BRWD1: variants seen among roughly 807,000 people sequenced by gnomAD.
BRWD1 encodes the protein bromodomain and WD repeat domain containing 1.
In BRWD1, 82 loss-of-function variants were observed where a neutral mutation model predicts 251.2. That is an observed-to-expected ratio of 0.33 (90% confidence interval 0.27 to 0.39). The LOEUF (loss-of-function observed/expected upper bound fraction) is 0.39. Ranked by LOEUF, BRWD1 falls within the 10% of genes least tolerant of loss-of-function variation. BRWD1 has a pLI of 1.00. For synonymous variants in BRWD1, 918 were observed against 902.8 expected, an observed-to-expected ratio of 1.02 and a Z score of -0.30; for missense variants, 2,233 against 2,711.6, an observed-to-expected ratio of 0.82 and a Z score of 3.92.
chr21:39,255,876 T>C (rs1487543968), intron 18 of BRWD1, 48 bp from the exon 19 acceptor site: 15 of 1,538,060 alleles, frequency 9.8e-6, no homozygotes, highest in African/African-American at 1.4e-5. Context: ...TTTAAACTAA[T>C]ATACATTTAG....
chr21:39,194,341 A>C lies in BRWD1; in HGVS notation c.*1918T>G. On this transcript the variant is annotated 3_prime_UTR_variant, in exon 41 of 41. Coordinates refer to ENST00000342449, the MANE Select transcript of BRWD1 (RefSeq NM_033656.4). ...GAACAGATTATAAAAGAGAAGGTTA[A>C]GAAGAGTTTAAATAAATTAATGGAT... The C allele has an allele frequency of 9.6e-7, 1 of 1,041,482 alleles. No individual in the cohort carries two copies. Among genetic ancestry groups the C allele is most frequent in the Admixed American group, 5.2e-5 (1 of 19,306 alleles). 64.5% of individuals were successfully genotyped at this position (1,041,482 alleles called of 1,614,324 possible).
intron 8 of BRWD1, among the ~76,000 whole-genome samples, chr21:39,291,646 A>C (rs892916470): frequency 1.3e-5 from 2 of 152,166 alleles, no homozygotes; most frequent in African/African-American, 4.8e-5. Context: ...CTATCCGCCC[A>C]TATGTGCACA....
rs778784400 is a variant in BRWD1 at position 39,187,095 on chromosome 21, C to G, written c.*9164G>C. ...GCATTTTTCTATTAATATCTTCTAG[C>G]TCTTTTTCACTTTCAGAATTTATGG... On this transcript the variant is annotated 3_prime_UTR_variant, in exon 41 of 41. Transcript: ENST00000342449. 6.2e-7 allele frequency: 1 copy of G among 1,603,234 alleles called. No homozygotes were observed. Among genetic ancestry groups the G allele is most frequent in the Non-Finnish European group, 8.5e-7 (1 of 1,177,406 alleles).
chr21:39,195,810 G>C lies in BRWD1; in HGVS notation c.*449C>G. 1 of 987,016 alleles carries C rather than the reference G, an allele frequency of 1.0e-6. No homozygotes were observed. The highest frequency in any genetic ancestry group is 1.2e-6 in the Non-Finnish European group (1 of 831,020). The allele number at this position is 987,016 out of a possible 1,614,324, so 61.1% of individuals were successfully genotyped here. A position where few individuals can be genotyped will look rare whatever the true frequency, so the allele number is the denominator to read the frequency against. On this transcript the variant is annotated 3_prime_UTR_variant, in exon 41 of 41. Transcript: ENST00000342449. Reference sequence around the variant, plus strand: ...TACACCTCCCATGATTATAGTGTCAGTATGCATGTATTTATGAAGAATCTG... The same window carrying C: ...TACACCTCCCATGATTATAGTGTCACTATGCATGTATTTATGAAGAATCTG...
intron 18 of BRWD1, among the ~76,000 whole-genome samples, chr21:39,258,102 T>G (rs2146633739): frequency 6.6e-6 from 1 of 152,324 alleles, no homozygotes; most frequent in Middle Eastern, 3.4e-3. Context: ...GAAAACTCAC[T>G]AAGTTTTCAA....
intron 27 of BRWD1, among the ~76,000 whole-genome samples, chr21:39,228,176 T>A (rs2033458868): frequency 6.6e-6 from 1 of 152,082 alleles, no homozygotes; most frequent in African/African-American, 2.4e-5. Flanking sequence ...TAATCCTAGC[T>A]ACTCAGGAGG....
At chr21:39,268,838 A>T (rs962461181) in intron 15 of BRWD1, among the ~76,000 whole-genome samples, 1 of 152,024 alleles carries the variant, frequency 6.6e-6, no homozygotes, top group Admixed American at 6.6e-5. Context: ...ATACAAAAAA[A>T]TTAGCCAGGT....
At chr21:39,241,345 G>C (rs896709742) in intron 21 of BRWD1, among the ~76,000 whole-genome samples, 4 of 150,896 alleles carry the variant, frequency 2.7e-5, no homozygotes, top group African/African-American at 7.3e-5. Context: ...ATGCATGCCT[G>C]TAATCCCTGC....
intron 25 of BRWD1, 78 bp downstream of exon 25, chr21:39,232,099 G>A: frequency 8.7e-7 from 1 of 1,144,538 alleles, no homozygotes. Context: ...TTTCCAACAG[G>A]TTTTTAAATA....
chr21:39,205,719 C>G (rs746704857), intron 37 of BRWD1, among the ~76,000 whole-genome samples: 6 of 152,016 alleles, frequency 3.9e-5, no homozygotes, highest in Non-Finnish European at 5.9e-5. Context: ...TGCAGTCAGC[C>G]AAGATCATGC....
At chr21:39,275,349 A>G (rs2035247401) in intron 12 of BRWD1, among the ~76,000 whole-genome samples, 1 of 152,208 alleles carries the variant, frequency 6.6e-6, no homozygotes, top group South Asian at 2.1e-4. Flanking sequence ...TACCCAAACA[A>G]GAAATTTAAT....
At chr21:39,306,003 A>C (rs2036275058) in intron 4 of BRWD1, among the ~76,000 whole-genome samples, 1 of 151,972 alleles carries the variant, frequency 6.6e-6, no homozygotes, top group Non-Finnish European at 1.5e-5. Flanking sequence ...GGGTCACTGC[A>C]GTCCAGCCTG....
At chr21:39,214,850 T>TA (rs1329240969) in intron 32 of BRWD1, among the ~76,000 whole-genome samples, 1 of 149,592 alleles carries the variant, frequency 6.7e-6, no homozygotes, top group East Asian at 1.9e-4. Flanking sequence ...TAGTTCTGAG[T>TA]AAAAAACAAA....
chr21:39,242,590 A>T (rs2034041556), intron 21 of BRWD1, among the ~76,000 whole-genome samples: 1 of 152,204 alleles, frequency 6.6e-6, no homozygotes, highest in Non-Finnish European at 1.5e-5. Context: ...ATGCAGATGA[A>T]ATAAATAGCC....
chr21:39,249,389 ATG>A, intron 20 of BRWD1, among the ~76,000 whole-genome samples: 1 of 152,340 alleles, frequency 6.6e-6, no homozygotes, highest in Non-Finnish European at 1.5e-5. Flanking sequence ...AACTGTAAGT[ATG>A]TGTATTTTCA....
intron 4 of BRWD1, among the ~76,000 whole-genome samples, chr21:39,306,603 G>A (rs1186724476): frequency 2.0e-5 from 3 of 151,788 alleles, no homozygotes; most frequent in Non-Finnish European, 4.4e-5. Context: ...TTCTTTGACC[G>A]GAAAAAATAC....
At position 39,188,201 on chromosome 21, in the gene BRWD1, T is replaced by G; in HGVS notation, c.*8058A>C. 6 of 985,424 alleles carry G rather than the reference T, an allele frequency of 6.1e-6. No homozygotes were observed. Among genetic ancestry groups the G allele is most frequent in the Non-Finnish European group, 7.2e-6 (6 of 829,914 alleles). 61.0% of individuals were successfully genotyped at this position (985,424 alleles called of 1,614,324 possible). ...AGAAGTGATATTCCTTTTACGTATC[T>G]GAAGTTCACGGGCCCTTGAATTTTA... On this transcript the variant is annotated 3_prime_UTR_variant, in exon 41 of 41. Coordinates refer to ENST00000342449, the MANE Select transcript of BRWD1 (RefSeq NM_033656.4).
chr21:39,313,026 T>C (rs1232083049), intron 3 of BRWD1, 46 bp downstream of exon 3: 4 of 1,282,928 alleles, frequency 3.1e-6, no homozygotes, highest in Non-Finnish European at 3.0e-6. Context: ...CAGGGCAAGG[T>C]CGGCAGGAGG....
At chr21:39,316,366 C>A (rs540618448), upstream of BRWD1, among the ~76,000 whole-genome samples, 4 of 152,116 alleles carry the variant, frequency 2.6e-5, no homozygotes, top group Non-Finnish European at 5.9e-5. Flanking sequence ...TAACTGCTTG[C>A]AACAACTTGA....
Sources: allele counts gnomAD v4.1 joint callset (sites outside exome capture counted in the v4.1 genomes callset), GRCh38; gene constraint gnomAD v4.1.1; transcripts MANE v1.5; gene names NCBI Gene and HGNC (gene_info 2026-07-23, HGNC 2026-07-21).